The following ABHD12 variants were observed in gnomAD, a reference collection of about 807,000 sequenced individuals.
ABHD12 encodes the protein abhydrolase domain containing 12, lysophospholipase, also known as lysophosphatidylserine lipase ABHD12.
A neutral mutation model predicts 58.3 loss-of-function variants in ABHD12; 43 were observed. The ratio of observed to expected loss-of-function variants is 0.74; its 90% CI spans 0.58 to 0.95. The LOEUF (loss-of-function observed/expected upper bound fraction) is 0.95. Ranked by LOEUF, ABHD12 falls within the 40% of genes least tolerant of loss-of-function variation. The probability of loss-of-function intolerance (pLI) is 0.00; values close to 1 mark genes in which losing one functional copy is unlikely to be tolerated. For missense variants in ABHD12, 539 were observed against 537.2 expected (o/e 1.00, Z -0.03); for synonymous variants, 219 against 211.2 (o/e 1.04, Z -0.32).
chr20:25,373,654 T>G (rs1419724569), intron 1 of ABHD12, among the ~76,000 whole-genome samples: 1 of 152,148 alleles, frequency 6.6e-6, no homozygotes, highest in African/African-American at 2.4e-5. Flanking sequence ...GCACAGTATG[T>G]CTTTTTTCCT....
downstream of ABHD12, chr20:25,296,321 GC>G (rs2088543450): frequency 1.1e-5 from 18 of 1,606,880 alleles, no homozygotes; most frequent in Non-Finnish European, 1.5e-5. Context: ...GTTTTTAGCA[GC>G]CCCAAGCCCT....
At chr20:25,323,259 C>A (rs1213817025) in intron 3 of ABHD12, 66 bp downstream of exon 3, 2 of 973,118 alleles carry the variant, frequency 2.1e-6, no homozygotes, top group Non-Finnish European at 3.4e-6. Context: ...TCAAAGACAG[C>A]ACCAGCTCAG....
intron 2 of ABHD12, among the ~76,000 whole-genome samples, chr20:25,325,763 A>C (rs999157701): frequency 1.3e-5 from 2 of 152,082 alleles, no homozygotes; most frequent in African/African-American, 2.4e-5. Context: ...GGTTTGTTTG[A>C]GCGGCCCTAA....
chr20:25,356,301 T>C (rs2089667602), intron 1 of ABHD12, among the ~76,000 whole-genome samples: 2 of 152,224 alleles, frequency 1.3e-5, no homozygotes, highest in Admixed American at 6.5e-5. Context: ...GGTTGCCACA[T>C]ATCAATAAAC....
intron 2 of ABHD12, among the ~76,000 whole-genome samples, chr20:25,337,624 G>A (rs1411082651): frequency 6.6e-6 from 1 of 152,242 alleles, no homozygotes; most frequent in African/African-American, 2.4e-5. Context: ...CTCCCTTCAA[G>A]AACCAGCTCA....
At chr20:25,360,438 A>G (rs1478136934) in intron 1 of ABHD12, among the ~76,000 whole-genome samples, 1 of 151,328 alleles carries the variant, frequency 6.6e-6, no homozygotes, top group Non-Finnish European at 1.5e-5. Flanking sequence ...ACAGGGTTTC[A>G]CCATATTGGC....
intron 1 of ABHD12, among the ~76,000 whole-genome samples, chr20:25,352,689 G>GT (rs1555820171): frequency 6.6e-6 from 1 of 152,120 alleles, no homozygotes; most frequent in Non-Finnish European, 1.5e-5. Context: ...CTTGAAAAGC[G>GT]TATCTATTTA....
chr20:25,390,757 G>A lies in ABHD12; in HGVS notation c.-54C>T. 3.9e-6 allele frequency: 2 copies of A among 509,774 alleles called. No homozygotes were observed. Among genetic ancestry groups the A allele is most frequent in the South Asian group, 6.5e-5 (1 of 15,422 alleles). The allele number at this position is 509,774 out of a possible 1,614,324, so 31.6% of individuals were successfully genotyped here. A position where few individuals can be genotyped will look rare whatever the true frequency, so the allele number is the denominator to read the frequency against. ...GGCGCCCGCTGGCCTGCGCCGCAGT[G>A]CCGCCGCTCACAGCCGCCGCCACCC... On this transcript the variant is annotated 5_prime_UTR_variant, in exon 1 of 13. Transcript: ENST00000339157.
intron 12 of ABHD12, 41 bp from the exon 13 acceptor site, chr20:25,300,925 G>T (rs370904869): frequency 6.3e-7 from 1 of 1,599,988 alleles, no homozygotes; most frequent in African/African-American, 1.3e-5. Flanking sequence ...TTTGAGCTCA[G>T]ACCAAAGATC....
At chr20:25,380,731 G>A (rs2090012326) in intron 1 of ABHD12, among the ~76,000 whole-genome samples, 1 of 152,106 alleles carries the variant, frequency 6.6e-6, no homozygotes, top group South Asian at 2.1e-4. Context: ...CCCAGGTCCT[G>A]ACTCCTCTGT....
chr20:25,320,879 G>C (rs534921616), intron 3 of ABHD12, among the ~76,000 whole-genome samples: 2 of 152,302 alleles, frequency 1.3e-5, no homozygotes, highest in Non-Finnish European at 2.9e-5. Context: ...ACCTGGCTGG[G>C]CACTCTGAAG....
intron 1 of ABHD12, among the ~76,000 whole-genome samples, chr20:25,355,432 C>T (rs932246499): frequency 1.3e-5 from 2 of 152,002 alleles, no homozygotes; most frequent in Admixed American, 1.3e-4. Context: ...TGCCACTTCC[C>T]CCTTTTTGTT....
chr20:25,378,173 G>A (rs2089982010), intron 1 of ABHD12, among the ~76,000 whole-genome samples: 2 of 152,208 alleles, frequency 1.3e-5, no homozygotes, highest in South Asian at 4.1e-4. Context: ...TTTAAGAAAG[G>A]ATAAATGTGA....
rs1048505587 is a variant in ABHD12 at position 25,303,763 on chromosome 20, A to G, written c.951-135T>C. ...GATTTCTGCTGGATTTCTTTTTACT[A>G]GACAACTGAAAGTTAACTCTTCATT... On this transcript the variant is annotated intron_variant, in intron 10 of 12. Coordinates refer to ENST00000339157, the MANE Select transcript of ABHD12 (RefSeq NM_001042472.3). The G allele has an allele frequency of 2.2e-5, 28 of 1,257,998 alleles. No homozygotes were observed. The Admixed American group carries it at 5.2e-4, about 23-fold the overall frequency. The allele number at this position is 1,257,998 out of a possible 1,614,324, so 77.9% of individuals were successfully genotyped here.
chr20:25,336,629 G>A (rs1039464719), intron 2 of ABHD12, among the ~76,000 whole-genome samples: 3 of 152,038 alleles, frequency 2.0e-5, no homozygotes, highest in Admixed American at 6.6e-5. Context: ...CCACCTCCTC[G>A]GCGACGCAGA....
intron 1 of ABHD12, among the ~76,000 whole-genome samples, chr20:25,354,118 C>T (rs2089637937): frequency 6.6e-6 from 1 of 152,192 alleles, no homozygotes; most frequent in Non-Finnish European, 1.5e-5. Flanking sequence ...ATTTCAAGAC[C>T]TAAAGCAAAT....
At chr20:25,374,217 A>G (rs1231590685) in intron 1 of ABHD12, among the ~76,000 whole-genome samples, 1 of 151,946 alleles carries the variant, frequency 6.6e-6, no homozygotes, top group Non-Finnish European at 1.5e-5. Context: ...TGCTGGGATT[A>G]CACACATGGT....
chr20:25,312,316 T>C (rs959599666), intron 6 of ABHD12, among the ~76,000 whole-genome samples: 10 of 152,246 alleles, frequency 6.6e-5, no homozygotes, highest in Admixed American at 3.3e-4. Flanking sequence ...GTGCCTGTGA[T>C]TGCAGCAGCG....
chr20:25,362,443 T>C (rs2089762583), intron 1 of ABHD12, among the ~76,000 whole-genome samples: 1 of 151,622 alleles, frequency 6.6e-6, no homozygotes, highest in African/African-American at 2.4e-5. Flanking sequence ...GGCGGGTGCC[T>C]ATAATCCTAT....
Sources: gnomAD v4.1 joint callset for allele counts (sites outside exome capture counted in the v4.1 genomes callset) on GRCh38, gnomAD v4.1.1 for gene constraint, MANE v1.5 for transcripts, NCBI Gene and HGNC (gene_info 2026-07-23, HGNC 2026-07-21) for gene names.